SPECC1: variants seen among roughly 807,000 people sequenced by gnomAD.
The protein encoded by SPECC1 is sperm antigen with calponin homology and coiled-coil domains 1.
In SPECC1, 62 loss-of-function variants were observed where a neutral mutation model predicts 104.1. The ratio of observed to expected loss-of-function variants is 0.60; its 90% confidence interval spans 0.49 to 0.74. SPECC1 has a LOEUF of 0.74. SPECC1 is among the 30% of genes least tolerant of loss of function. The pLI is 0.00. For synonymous variants in SPECC1, 513 were observed against 501.6 expected (o/e 1.02, Z -0.30); for missense variants, 1,306 against 1,310.5 (o/e 1.00, Z 0.05).
At chr17:20,255,202 A>G (rs1273227889) in intron 10 of SPECC1, among the ~76,000 whole-genome samples, 1 of 152,192 alleles carries the variant, frequency 6.6e-6, no homozygotes, top group East Asian at 1.9e-4. Context: ...ACCAAAGGCC[A>G]GTGTAAAGTC....
intron 4 of SPECC1, among the ~76,000 whole-genome samples, chr17:20,216,521 G>T (rs1305271522): frequency 6.6e-6 from 1 of 152,102 alleles, no homozygotes; most frequent in Admixed American, 6.5e-5. Context: ...GCATGGTGTG[G>T]GGGTGGGGTG....
At position 20,245,912 on chromosome 17, in the gene SPECC1, T is replaced by C; in HGVS notation, c.2352-14T>C. The C allele has an allele frequency of 6.2e-7, 1 of 1,614,004 alleles. No individual in the cohort carries two copies. The highest frequency in any genetic ancestry group is 1.3e-5 in the African/African-American group (1 of 75,050). ...CCTCCATCTTTTCAATCTGATTTGC[T>C]CTTTGCCATGCAGACCTGTGGATGA... On this transcript the variant is annotated splice_polypyrimidine_tract_variant and intron_variant, in intron 7 of 14. Coordinates refer to ENST00000395527, the MANE Select transcript of SPECC1 (RefSeq NM_001243439.2).
chr17:20,083,332 A>T (rs7225930), intron 1 of SPECC1, among the ~76,000 whole-genome samples: 2,408 of 152,314 alleles, frequency 0.016, 60 homozygotes, highest in African/African-American at 0.055. Context: ...ATACAGTCAT[A>T]CAAGAGAGGA....
At chr17:20,263,114 C>A (rs1000680486) in intron 12 of SPECC1, among the ~76,000 whole-genome samples, 1 of 151,700 alleles carries the variant, frequency 6.6e-6, no homozygotes, top group Non-Finnish European at 1.5e-5. Context: ...TGCCCTGTTT[C>A]AAGGATGGAC....
At chr17:20,087,400 C>T (rs921893173) in intron 1 of SPECC1, among the ~76,000 whole-genome samples, 1 of 152,176 alleles carries the variant, frequency 6.6e-6, no homozygotes, top group Non-Finnish European at 1.5e-5. Context: ...CCATGGGGCT[C>T]TCATCCTGAA....
chr17:20,034,725 C>T (rs1213055361), intron 1 of SPECC1, among the ~76,000 whole-genome samples: 1 of 151,458 alleles, frequency 6.6e-6, no homozygotes, highest in Non-Finnish European at 1.5e-5. Context: ...CATGCCTCAG[C>T]CTCCCAAGTA....
chr17:20,277,846 G>A (rs1358630005), intron 12 of SPECC1, among the ~76,000 whole-genome samples: 3 of 152,146 alleles, frequency 2.0e-5, no homozygotes, highest in Non-Finnish European at 2.9e-5. Context: ...TTTGATGAGG[G>A]GCTGATTTCA....
At chr17:20,067,577 G>A (rs1761715343) in intron 1 of SPECC1, among the ~76,000 whole-genome samples, 1 of 151,732 alleles carries the variant, frequency 6.6e-6, no homozygotes, top group South Asian at 2.1e-4. Flanking sequence ...CATATCACTG[G>A]ATATTTTGTA....
chr17:20,141,572 C>T (rs2030805794), intron 3 of SPECC1, among the ~76,000 whole-genome samples: 1 of 152,140 alleles, frequency 6.6e-6, no homozygotes, highest in Non-Finnish European at 1.5e-5. Context: ...AATTTACATA[C>T]CATAAAATTC....
chr17:20,231,926 G>C (rs1038037379), intron 6 of SPECC1, 95 bp downstream of exon 6: 1 of 1,319,870 alleles, frequency 7.6e-7, no homozygotes, highest in East Asian at 2.3e-5. Context: ...CTCTTGGAAC[G>C]TTTCCACGGC....
At chr17:20,128,816 A>T (rs1462180286) in intron 3 of SPECC1, among the ~76,000 whole-genome samples, 2 of 152,154 alleles carry the variant, frequency 1.3e-5, no homozygotes, top group African/African-American at 4.8e-5. Context: ...ATATAATTTT[A>T]AAATAATTTT....
At chr17:20,060,126 T>A (rs1485001305) in intron 1 of SPECC1, among the ~76,000 whole-genome samples, 2 of 152,222 alleles carry the variant, frequency 1.3e-5, no homozygotes, top group Non-Finnish European at 2.9e-5. Context: ...TCCATTAGTA[T>A]GTGTTTGTAC....
intron 4 of SPECC1, among the ~76,000 whole-genome samples, chr17:20,209,297 G>A (rs770955803): frequency 1.3e-5 from 2 of 152,122 alleles, no homozygotes; most frequent in Non-Finnish European, 1.5e-5. Flanking sequence ...AATGCTTGGC[G>A]AAAGGTGAAT....
intron 1 of SPECC1, among the ~76,000 whole-genome samples, chr17:20,045,235 C>T (rs1381365982): frequency 6.6e-6 from 1 of 152,120 alleles, no homozygotes; most frequent in African/African-American, 2.4e-5. Context: ...TTTCACGTAA[C>T]ACACAGCTTT....
At chr17:20,112,919 G>T in intron 3 of SPECC1, 1 of 1,517,544 alleles carries the variant, frequency 6.6e-7, no homozygotes, top group East Asian at 2.3e-5. Flanking sequence ...CAACCTGAGA[G>T]GGTCCAACAT....
intron 3 of SPECC1, among the ~76,000 whole-genome samples, chr17:20,132,471 G>T (rs527411132): frequency 2.6e-5 from 4 of 151,082 alleles, no homozygotes; most frequent in Admixed American, 2.6e-4. Flanking sequence ...TTAATTCTTC[G>T]TTAAATAATT....
intron 14 of SPECC1, among the ~76,000 whole-genome samples, chr17:20,306,986 A>ATTTCTATTT (rs2041786333): frequency 1.3e-5 from 2 of 152,208 alleles, no homozygotes; most frequent in Non-Finnish European, 2.9e-5. Flanking sequence ...AACCACAAGG[A>ATTTCTATTT]AAGAATGATT....
intron 1 of SPECC1, among the ~76,000 whole-genome samples, chr17:20,023,600 G>A (rs532963907): frequency 1.3e-5 from 2 of 152,174 alleles, no homozygotes; most frequent in Admixed American, 6.5e-5. Flanking sequence ...GGAAGAGGGC[G>A]AGGCAGGATA....
At chr17:20,215,319 C>G (rs2037418404) in intron 4 of SPECC1, among the ~76,000 whole-genome samples, 2 of 152,162 alleles carry the variant, frequency 1.3e-5, no homozygotes, top group African/African-American at 4.8e-5. Flanking sequence ...ATTCTCTGCC[C>G]TGGTAGATGA....
Sources: gnomAD v4.1 joint callset for allele counts (sites outside exome capture counted in the v4.1 genomes callset) on GRCh38, gnomAD v4.1.1 for gene constraint, MANE v1.5 for transcripts, NCBI Gene and HGNC (gene_info 2026-07-23, HGNC 2026-07-21) for gene names.